The following DUSP10 variants were observed in gnomAD, a reference collection of about 807,000 sequenced individuals.
DUSP10 encodes the protein dual specificity phosphatase 10.
DUSP10 carries 14 observed loss-of-function variants against 30.8 expected under a neutral mutation model. The observed-to-expected ratio is 0.46, with a 90% CI of 0.30 to 0.71. The LOEUF is 0.71. Among genes scored for constraint, DUSP10 ranks in the 30% least tolerant of loss-of-function variants. DUSP10 has a pLI of 0.08. For synonymous variants in DUSP10, 254 were observed against 250.4 expected (o/e 1.01, Z -0.14); for missense variants, 550 against 619.4 (o/e 0.89, Z 1.19).
chr1:221,715,079 G>A (rs1661057032), intron 2 of DUSP10, among the ~76,000 whole-genome samples: 2 of 152,016 alleles, frequency 1.3e-5, no homozygotes, highest in African/African-American at 4.8e-5. Flanking sequence ...TATTGGAGGG[G>A]TCTCTTGTCA....
intron 2 of DUSP10, among the ~76,000 whole-genome samples, chr1:221,713,770 C>A (rs1661014291): frequency 6.6e-6 from 1 of 152,040 alleles, no homozygotes; most frequent in African/African-American, 2.4e-5. Flanking sequence ...TATTTAAATC[C>A]CTTTGTACAC....
At chr1:221,719,937 T>C (rs1040395467) in intron 2 of DUSP10, among the ~76,000 whole-genome samples, 3 of 152,330 alleles carry the variant, frequency 2.0e-5, no homozygotes, top group Middle Eastern at 3.4e-3. Context: ...TGATATGATA[T>C]GGTACGATAT....
chr1:221,737,953 C>T (rs1661829885), intron 2 of DUSP10, among the ~76,000 whole-genome samples: 1 of 152,160 alleles, frequency 6.6e-6, no homozygotes, highest in South Asian at 2.1e-4. Context: ...TGGCTCAGAA[C>T]ACAAGAGGAG....
At chr1:221,714,385 T>C (rs1571814276) in intron 2 of DUSP10, among the ~76,000 whole-genome samples, 1 of 152,122 alleles carries the variant, frequency 6.6e-6, no homozygotes, top group East Asian at 1.9e-4. Context: ...AACTGAGAGC[T>C]CGCACGTGTG....
intron 2 of DUSP10, among the ~76,000 whole-genome samples, chr1:221,717,370 T>C (rs1309826299): frequency 6.6e-6 from 1 of 151,824 alleles, no homozygotes; most frequent in African/African-American, 2.4e-5. Context: ...TTATTCTGAG[T>C]TCAGTGGGAA....
At chr1:221,736,337 C>T (rs1036311617) in intron 2 of DUSP10, among the ~76,000 whole-genome samples, 1 of 152,172 alleles carries the variant, frequency 6.6e-6, no homozygotes, top group African/African-American at 2.4e-5. Context: ...TGAAAATAAA[C>T]TAACAAGCCT....
At position 221,702,231 on chromosome 1, in the gene DUSP10, T is replaced by A; in HGVS notation, c.*181A>T. On this transcript the variant is annotated 3_prime_UTR_variant, in exon 4 of 4. Transcript: ENST00000366899. The surrounding 1 kb of genome is among the most constrained non-coding windows in gnomAD (Gnocchi z 4.5). ...TCAGTTTGTGGGAGGTGAATCTCAA[T>A]GGCATCAAAAGTTATAGTCTTCTTA... 1.5e-6 allele frequency: 1 copy of A among 656,738 alleles called. No individual in the cohort carries two copies. The highest frequency in any genetic ancestry group is 2.5e-6 in the Non-Finnish European group (1 of 402,252). 40.7% of individuals were successfully genotyped at this position (656,738 alleles called of 1,614,324 possible).
rs1221361516 is a variant in DUSP10 at position 221,739,545 on chromosome 1, G to T, written c.200C>A (p.Ser67Tyr). The T allele has an allele frequency of 1.2e-6, 2 of 1,614,218 alleles. No homozygotes were observed. Among genetic ancestry groups the T allele is most frequent in the Non-Finnish European group, 1.7e-6 (2 of 1,180,046 alleles). ...GCATCCACAATTCAGCGAGCGGGCA[G>T]AGCCGCTGGATGAGGGCATATACGT... ...NLTYMPSSSG[S>Y]ARSLNCGCSS... Residue 67 changes from serine to tyrosine, a missense_variant, in exon 2 of 4, where the codon TCT becomes TAT. By Grantham distance (144) the Ser-to-Tyr change is moderately radical. Transcript: ENST00000366899.
intron 2 of DUSP10, among the ~76,000 whole-genome samples, chr1:221,713,363 A>G (rs1661001656): frequency 6.6e-6 from 1 of 152,144 alleles, no homozygotes; most frequent in African/African-American, 2.4e-5. Flanking sequence ...TGAAAACCTC[A>G]TTATATTTAG....
At chr1:221,716,558 A>G (rs1211436273) in intron 2 of DUSP10, among the ~76,000 whole-genome samples, 1 of 152,094 alleles carries the variant, frequency 6.6e-6, no homozygotes, top group Non-Finnish European at 1.5e-5. Flanking sequence ...GTCTACTTCT[A>G]TTGAACTCCA....
chr1:221,709,208 A>T (rs1207560165), intron 2 of DUSP10, among the ~76,000 whole-genome samples: 2 of 152,174 alleles, frequency 1.3e-5, no homozygotes, highest in South Asian at 4.1e-4. Flanking sequence ...TGCAAACAAT[A>T]CAAGAAGAAC....
chr1:221,706,598 CA>C lies in DUSP10; in HGVS notation c.812-133del, dbSNP rs911789135. On this transcript the variant is annotated intron_variant, in intron 2 of 3. Coordinates refer to ENST00000366899, the MANE Select transcript of DUSP10 (RefSeq NM_007207.6). The surrounding 1 kb of genome is among the most constrained non-coding windows in gnomAD (Gnocchi z 4.6). ...ATACATATATAAATATGTATTTAAG[CA>C]AAAAAAATAAAAATAAAAATAAAAC... The C allele has an allele frequency of 2.0e-4, 115 of 575,148 alleles. No individual in the cohort carries two copies. Among genetic ancestry groups the C allele is most frequent in the Non-Finnish European group, 2.4e-4 (92 of 375,832 alleles). 35.6% of individuals were successfully genotyped at this position (575,148 alleles called of 1,614,324 possible). A position where few individuals can be genotyped will look rare whatever the true frequency, so the allele number is the denominator to read the frequency against.
At chr1:221,717,966 G>A (rs546622254) in intron 2 of DUSP10, among the ~76,000 whole-genome samples, 25 of 152,102 alleles carry the variant, frequency 1.6e-4, no homozygotes, top group African/African-American at 5.1e-4. Context: ...GAAATACAAC[G>A]TATAATACTT....
chr1:221,734,961 T>C (rs1188032305), intron 2 of DUSP10, among the ~76,000 whole-genome samples: 1 of 151,690 alleles, frequency 6.6e-6, no homozygotes, highest in Non-Finnish European at 1.5e-5. Flanking sequence ...CACAGGTCTC[T>C]GATTTCTGAG....
In DUSP10 at chr1:221,703,378, CA is replaced by C. The variant is rs147718460; in HGVS notation, c.1184-702del. Reference sequence around the variant, plus strand: ...TAGAATTGCTCTGTACAGGAACGGGCATTAAATGGATAAGAGTTTTAGTCTT... The same window carrying C: ...TAGAATTGCTCTGTACAGGAACGGGCTTAAATGGATAAGAGTTTTAGTCTT... On this transcript the variant is annotated intron_variant, in intron 3 of 3. Transcript: ENST00000366899. Among the ~76,000 whole-genome samples the C allele has an allele frequency of 3.2e-3, 481 of 152,186 alleles. 8 individuals carry two copies. The East Asian group carries it at 0.054, about 17-fold the overall frequency.
chr1:221,736,109 A>G (rs1433457786), intron 2 of DUSP10, among the ~76,000 whole-genome samples: 2 of 152,188 alleles, frequency 1.3e-5, no homozygotes, highest in African/African-American at 4.8e-5. Context: ...AGGGGCTGCC[A>G]TGCCTCTGAT....
chr1:221,731,906 TGG>T (rs1661615223), intron 2 of DUSP10, among the ~76,000 whole-genome samples: 1 of 151,870 alleles, frequency 6.6e-6, no homozygotes, highest in Admixed American at 6.6e-5. Flanking sequence ...CACACCCGGC[TGG>T]CTATTTCTTA....
chr1:221,711,525 TCTTA>T (rs1374711084), intron 2 of DUSP10: 8 of 152,338 alleles, frequency 5.3e-5, no homozygotes, highest in African/African-American at 1.9e-4. Context: ...GCCTAGTTTT[TCTTA>T]CTGAGTAACC....
intron 2 of DUSP10, among the ~76,000 whole-genome samples, chr1:221,714,379 G>C (rs949240512): frequency 6.6e-6 from 1 of 152,164 alleles, no homozygotes; most frequent in African/African-American, 2.4e-5. Flanking sequence ...CAAGCAAACT[G>C]AGAGCTCGCA....
Sources: gnomAD v4.1 joint callset for allele counts (sites outside exome capture counted in the v4.1 genomes callset) on GRCh38, gnomAD v4.1.1 for gene constraint, Gnocchi (gnomAD v3.1) non-coding constraint, MANE v1.5 for transcripts, NCBI Gene and HGNC (gene_info 2026-07-23, HGNC 2026-07-21) for gene names.